Variants in MAPK8 observed in about 807,000 individuals in gnomAD.
MAPK8 encodes the protein mitogen-activated protein kinase 8.
In MAPK8, 13 loss-of-function variants were observed where a neutral mutation model predicts 52.9. The observed-to-expected ratio is 0.25, with a 90% confidence interval of 0.16 to 0.39. The LOEUF is 0.39. Among genes scored for constraint, MAPK8 ranks in the 10% least tolerant of loss-of-function variants. The pLI is 1.00. For missense variants in MAPK8, 300 were observed against 519.2 expected (o/e 0.58, Z 4.10); for synonymous variants, 191 against 169.8 (o/e 1.12, Z -0.97).
intron 10 of MAPK8, chr10:48,430,817 G>C: frequency 4.5e-6 from 1 of 222,420 alleles, no homozygotes; most frequent in African/African-American, 2.3e-5. Flanking sequence ...GGAAATGGAA[G>C]TCAGTAAGAC....
intron 1 of MAPK8, among the ~76,000 whole-genome samples, chr10:48,331,278 C>A (rs1160499220): frequency 6.6e-6 from 1 of 152,222 alleles, no homozygotes; most frequent in African/African-American, 2.4e-5. Context: ...ATCTTACAGT[C>A]TGGGATGCTA....
chr10:48,417,060 C>G (rs1405745816), intron 5 of MAPK8, among the ~76,000 whole-genome samples: 1 of 152,090 alleles, frequency 6.6e-6, no homozygotes, highest in East Asian at 1.9e-4. Flanking sequence ...CATTCCTGGC[C>G]TCTACCCACT....
At chr10:48,361,160 A>G (rs569848123) in intron 1 of MAPK8, among the ~76,000 whole-genome samples, 1 of 152,304 alleles carries the variant, frequency 6.6e-6, no homozygotes, top group African/African-American at 2.4e-5. Context: ...TCTATCGAGG[A>G]ACGTGACCCA....
At chr10:48,363,314 A>G (rs917220810) in intron 1 of MAPK8, among the ~76,000 whole-genome samples, 1 of 152,232 alleles carries the variant, frequency 6.6e-6, no homozygotes, top group African/African-American at 2.4e-5. Flanking sequence ...ATGCGCTCAT[A>G]GAAATTCATT....
intron 1 of MAPK8, among the ~76,000 whole-genome samples, chr10:48,385,254 G>A (rs1451144703): frequency 1.3e-5 from 2 of 152,074 alleles, no homozygotes; most frequent in Non-Finnish European, 2.9e-5. Flanking sequence ...AAAGGGGCTC[G>A]AATTCCATAG....
chr10:48,420,594 T>A (rs1447542466), intron 6 of MAPK8, among the ~76,000 whole-genome samples: 8 of 152,206 alleles, frequency 5.3e-5, no homozygotes, highest in Non-Finnish European at 1.0e-4. Flanking sequence ...ATTTATGCTC[T>A]TTGCTTGCCT....
intron 1 of MAPK8, among the ~76,000 whole-genome samples, chr10:48,309,574 A>C (rs369411312): frequency 2.6e-5 from 4 of 152,226 alleles, no homozygotes; most frequent in African/African-American, 9.6e-5. Context: ...TATTTGCTCC[A>C]TGCCTGATAT....
At chr10:48,307,058 C>T (rs1294340365) in intron 1 of MAPK8, 1 of 151,896 alleles carries the variant, frequency 6.6e-6, no homozygotes, top group Non-Finnish European at 1.5e-5. Flanking sequence ...GCCAGCCCGC[C>T]TGCCGCCGCG....
In MAPK8 at chr10:48,405,281, T is replaced by A. The variant is rs993762129; in HGVS notation, c.252+300T>A. On this transcript the variant is annotated intron_variant, in intron 3 of 11. Coordinates refer to ENST00000374189, the MANE Select transcript of MAPK8 (RefSeq NM_001323329.2). ...TTTTATTCAGCTTGATCTCATCTTCTGCTTTTTGTTCTCCGTCAGGCTGAC... is the reference window on the plus strand; with the variant it reads ...TTTTATTCAGCTTGATCTCATCTTCAGCTTTTTGTTCTCCGTCAGGCTGAC... Among the ~76,000 whole-genome samples, 7 of 152,216 alleles carry A rather than the reference T, an allele frequency of 4.6e-5. No individual in the cohort carries two copies. The East Asian group carries it at 1.2e-3, about 25-fold the overall frequency.
chr10:48,435,046 G>C lies in MAPK8; in HGVS notation c.*17G>C, dbSNP rs377754613. 4.7e-5 allele frequency: 71 copies of C among 1,506,076 alleles called. No homozygotes were observed. Among genetic ancestry groups the C allele is most frequent in the Non-Finnish European group, 5.8e-5 (64 of 1,111,258 alleles). 93.3% of individuals were successfully genotyped at this position (1,506,076 alleles called of 1,614,324 possible). ...TGTAGATGACTACTTGGGCCATCGG[G>C]GGGTGGGAGGGATGGGGAGTCGGTT... On this transcript the variant is annotated 3_prime_UTR_variant, in exon 12 of 12. Transcript: ENST00000374189.
chr10:48,330,482 C>G (rs879415416), intron 1 of MAPK8, among the ~76,000 whole-genome samples: 15 of 152,190 alleles, frequency 9.9e-5, no homozygotes, highest in Non-Finnish European at 2.1e-4. Flanking sequence ...GAGAACCCAG[C>G]TGTCTGAAAT....
intron 11 of MAPK8, among the ~76,000 whole-genome samples, chr10:48,431,941 G>T (rs2044317172): frequency 6.6e-6 from 1 of 152,160 alleles, no homozygotes; most frequent in African/African-American, 2.4e-5. Flanking sequence ...TAAGGTATAG[G>T]ATTATTGCAC....
At chr10:48,366,850 T>G (rs1848097200) in intron 1 of MAPK8, among the ~76,000 whole-genome samples, 1 of 152,120 alleles carries the variant, frequency 6.6e-6, no homozygotes, top group Non-Finnish European at 1.5e-5. Flanking sequence ...TTGGAAAGCT[T>G]TATTAGTGCA....
intron 1 of MAPK8, among the ~76,000 whole-genome samples, chr10:48,313,845 T>G (rs778973506): frequency 2.0e-5 from 3 of 152,204 alleles, no homozygotes; most frequent in Non-Finnish European, 2.9e-5. Context: ...CACCTCTGCC[T>G]CCGAGGTTCA....
chr10:48,326,289 A>T (rs1440443038), intron 1 of MAPK8, among the ~76,000 whole-genome samples: 1 of 152,220 alleles, frequency 6.6e-6, no homozygotes, highest in Non-Finnish European at 1.5e-5. Flanking sequence ...ATAGTCCAAT[A>T]CTATTAATAC....
chr10:48,391,719 C>G (rs1042192746), intron 1 of MAPK8, among the ~76,000 whole-genome samples: 1 of 152,096 alleles, frequency 6.6e-6, no homozygotes, highest in Non-Finnish European at 1.5e-5. Flanking sequence ...TCTCACAAGT[C>G]GAGGGCCCAG....
At chr10:48,321,778 C>A (rs969905607) in intron 1 of MAPK8, among the ~76,000 whole-genome samples, 6 of 152,016 alleles carry the variant, frequency 3.9e-5, no homozygotes, top group Non-Finnish European at 8.8e-5. Flanking sequence ...TTCTTTCTTA[C>A]CAAATTGTCT....
chr10:48,370,320 G>T (rs1199024053), intron 1 of MAPK8, among the ~76,000 whole-genome samples: 1 of 152,086 alleles, frequency 6.6e-6, no homozygotes, highest in East Asian at 1.9e-4. Context: ...TGCAACTTGG[G>T]ATTTTTTTTT....
intron 1 of MAPK8, among the ~76,000 whole-genome samples, chr10:48,385,067 G>A (rs1036748251): frequency 2.0e-5 from 3 of 152,110 alleles, no homozygotes; most frequent in African/African-American, 7.2e-5. Flanking sequence ...AAATAACATT[G>A]GTTATTTATT....
Sources: allele counts gnomAD v4.1 joint callset (sites outside exome capture counted in the v4.1 genomes callset), GRCh38; gene constraint gnomAD v4.1.1; transcripts MANE v1.5; gene names NCBI Gene and HGNC (gene_info 2026-07-23, HGNC 2026-07-21).